The following TAB3 variants were observed in gnomAD, a reference collection of about 807,000 sequenced individuals.
TAB3 encodes the protein TGF-beta activated kinase 1 (MAP3K7) binding protein 3, also known as TGF-beta-activated kinase 1 and MAP3K7-binding protein 3.
Under a neutral mutation model 48.1 loss-of-function variants are expected in TAB3, and 18 were observed. That is an observed-to-expected ratio of 0.37 (90% CI 0.26 to 0.55). TAB3 has a LOEUF of 0.55. Ranked by LOEUF, TAB3 falls within the 20% of genes least tolerant of loss-of-function variation. The pLI, the probability that TAB3 is intolerant of heterozygous loss-of-function variation, is 0.78. For synonymous variants in TAB3, 185 were observed against 190.2 expected, an observed-to-expected ratio of 0.97 and a Z score of 0.22; for missense variants, 414 against 549.8, an observed-to-expected ratio of 0.75 and a Z score of 2.47.
intron 8 of TAB3, chrX:30,845,775 C>T: frequency 5.6e-6 from 1 of 177,354 alleles, no homozygotes; most frequent in Non-Finnish European, 1.0e-5. Flanking sequence ...GAGTGATTTG[C>T]CTTTGGCTTT....
At chrX:30,874,967 C>T (rs1253232581) in intron 1 of TAB3, among the ~76,000 whole-genome samples, 2 of 111,992 alleles carry the variant, frequency 1.8e-5, no homozygotes, top group East Asian at 2.8e-4. Flanking sequence ...ACTAGTGACA[C>T]AGCAAGCTTT....
chrX:30,887,448 T>C (rs1201467014), intron 1 of TAB3, among the ~76,000 whole-genome samples: 2 of 112,716 alleles, frequency 1.8e-5, no homozygotes, highest in African/African-American at 6.5e-5. Context: ...AAGGTTTCTT[T>C]GTAACACAAA....
At chrX:30,837,372 G>A (rs930568134) in intron 9 of TAB3, among the ~76,000 whole-genome samples, 10 of 111,061 alleles carry the variant, frequency 9.0e-5, no homozygotes, top group African/African-American at 2.6e-4. Context: ...ATATTAACAC[G>A]AACATCACCA....
intron 9 of TAB3, among the ~76,000 whole-genome samples, chrX:30,839,010 C>T (rs1027726283): frequency 9.2e-6 from 1 of 109,110 alleles, no homozygotes; most frequent in Non-Finnish European, 1.9e-5. Context: ...TCTCTTACTG[C>T]ATGGGCTAGG....
Position 30,875,632 on chromosome X carries a change from G to C in TAB3, c.-382-3831C>G, listed in dbSNP as rs1601841661. On this transcript the variant is annotated intron_variant, in intron 1 of 10. Coordinates refer to ENST00000288422, the MANE Select transcript of TAB3 (RefSeq NM_152787.5). ...GATATTATGCATCCTAATTTCAATA[G>C]CAATTAAGAGGGATTTCATCTTTTG... 2.7e-5 allele frequency among the ~76,000 whole-genome samples: 3 copies of C among 112,006 alleles called. No individual in the cohort carries two copies. The South Asian group carries it at 1.1e-3, about 41-fold the overall frequency.
intron 5 of TAB3, among the ~76,000 whole-genome samples, chrX:30,859,270 G>A (rs1939172698): frequency 9.2e-6 from 1 of 109,239 alleles, no homozygotes; most frequent in Admixed American, 9.8e-5. Flanking sequence ...AGAACGTTTA[G>A]TAATTCTACA....
At chrX:30,832,779 G>T (rs1601791778) in intron 10 of TAB3, among the ~76,000 whole-genome samples, 1 of 111,268 alleles carries the variant, frequency 9.0e-6, no homozygotes, top group African/African-American at 3.3e-5. Context: ...TGCTTCCTAT[G>T]ACTATAAATA....
At chrX:30,867,820 TTTC>T (rs1160398753) in intron 2 of TAB3, among the ~76,000 whole-genome samples, 1 of 111,484 alleles carries the variant, frequency 9.0e-6, no homozygotes, top group African/African-American at 3.3e-5. Flanking sequence ...CACTGCTTAT[TTTC>T]TTAAGTCAAC....
intron 9 of TAB3, among the ~76,000 whole-genome samples, chrX:30,841,291 G>A (rs753025554): frequency 3.6e-5 from 4 of 110,635 alleles, no homozygotes; most frequent in African/African-American, 9.9e-5. Flanking sequence ...CATGGTGGTG[G>A]GTAATCCCAG....
rs368500180 is a variant in TAB3 at position 30,834,127 on chromosome X, C to T, written c.1914G>A (p.Glu638=). The change falls in exon 10 of 11, where the codon GAG becomes GAA. Residue 638 remains glutamate (E), a synonymous_variant. Transcript: ENST00000288422. The part of the protein sequence containing the change: ...KKDSSDPCTI[E]RKARRISVTS... ...TCACGCTAATTCTTCGGGCTTTTCT[C>T]TCAATTGTGCAGGGGTCTGAGGAGT... The T allele has an allele frequency of 5.8e-6, 7 of 1,209,570 alleles. No individual in the cohort carries two copies. The African/African-American group carries it at 1.1e-4, about 18-fold the overall frequency.
Position 30,855,571 on chromosome X carries a change from GA to G in TAB3, c.103-10del. 8.6e-7 allele frequency: 1 copy of G among 1,165,364 alleles called. No homozygotes were observed. Among genetic ancestry groups the G allele is most frequent in the Non-Finnish European group, 1.1e-6 (1 of 873,315 alleles). Reference sequence around the variant, plus strand: ...TCAAGATTGTTGTTATTCTAGGGGAGAAAAATGGTAAAAGTAACATTGGCAA... The same window carrying G: ...TCAAGATTGTTGTTATTCTAGGGGAGAAAATGGTAAAAGTAACATTGGCAA... On this transcript the variant is annotated splice_polypyrimidine_tract_variant and intron_variant, in intron 5 of 10. Coordinates refer to ENST00000288422, the MANE Select transcript of TAB3 (RefSeq NM_152787.5).
At chrX:30,853,964 C>T (rs1039869539) in intron 6 of TAB3, 152 bp downstream of exon 6, 15 of 680,638 alleles carry the variant, frequency 2.2e-5, no homozygotes, top group African/African-American at 1.3e-4. Context: ...CGTGAGCCAC[C>T]GCACCCGGCC....
At chrX:30,833,559 C>T (rs145265402) in intron 10 of TAB3, among the ~76,000 whole-genome samples, 447 of 110,606 alleles carry the variant, frequency 4.0e-3, no homozygotes, top group Middle Eastern at 0.014. Context: ...TGGCCAGGCA[C>T]GGTGGCTCAC....
intron 8 of TAB3, chrX:30,845,985 T>TA (rs1938610516): frequency 9.9e-7 from 1 of 1,007,848 alleles, no homozygotes; most frequent in Admixed American, 2.7e-5. Context: ...CATCAGTCAG[T>TA]ATATTTTCCA....
chrX:30,872,471 A>C (rs1292228318), intron 1 of TAB3, among the ~76,000 whole-genome samples: 2 of 112,002 alleles, frequency 1.8e-5, no homozygotes, highest in African/African-American at 6.5e-5. Context: ...ACCCACAAAA[A>C]TTACTAATCT....
intron 2 of TAB3, among the ~76,000 whole-genome samples, chrX:30,868,802 T>G (rs1939581272): frequency 9.4e-6 from 1 of 106,330 alleles, no homozygotes; most frequent in Non-Finnish European, 1.9e-5. Context: ...CATACAAGTT[T>G]CTAATTGATC....
intron 9 of TAB3, chrX:30,835,587 G>A (rs899901035): frequency 1.8e-5 from 2 of 111,564 alleles, no homozygotes; most frequent in African/African-American, 6.5e-5. Flanking sequence ...GGTTGGGGAA[G>A]CTGTCTAAGC....
chrX:30,842,165 T>G (rs1035926635), intron 9 of TAB3, among the ~76,000 whole-genome samples: 2 of 112,884 alleles, frequency 1.8e-5, no homozygotes, highest in African/African-American at 6.4e-5. Flanking sequence ...TTTGATATCT[T>G]TAATTTTAAA....
chrX:30,866,302 T>C (rs989756667), intron 4 of TAB3, among the ~76,000 whole-genome samples: 2 of 110,946 alleles, frequency 1.8e-5, no homozygotes, highest in Non-Finnish European at 3.8e-5. Context: ...ATATAGACTA[T>C]ATACACGGAA....
Sources: allele counts gnomAD v4.1 joint callset (sites outside exome capture counted in the v4.1 genomes callset), GRCh38; gene constraint gnomAD v4.1.1; transcripts MANE v1.5; gene names NCBI Gene and HGNC (gene_info 2026-07-23, HGNC 2026-07-21).